The following GRIA4 variants were observed in gnomAD, a reference collection of about 807,000 sequenced individuals.
GRIA4 encodes glutamate ionotropic receptor AMPA type subunit 4.
A neutral mutation model predicts 104.0 loss-of-function variants in GRIA4; 34 were observed. The observed-to-expected ratio is 0.33, with a 90% CI of 0.25 to 0.44. The LOEUF is 0.44. GRIA4 is among the 20% of genes least tolerant of loss of function. The pLI, the probability that GRIA4 is intolerant of heterozygous loss-of-function variation, is 1.00. For synonymous variants in GRIA4, 386 were observed against 381.9 expected (o/e 1.01, Z -0.13); for missense variants, 750 against 1,096.5 (o/e 0.68, Z 4.46).
chr11:105,611,609 A>C (rs763258540), intron 2 of GRIA4, among the ~76,000 whole-genome samples: 1 of 152,100 alleles, frequency 6.6e-6, no homozygotes, highest in Non-Finnish European at 1.5e-5. Context: ...CTTTCCTGGA[A>C]GCTTCTCCCC....
chr11:105,873,716 T>C (rs1214630690), intron 5 of GRIA4, among the ~76,000 whole-genome samples: 1 of 152,226 alleles, frequency 6.6e-6, no homozygotes, highest in Admixed American at 6.5e-5. Context: ...CAAAAATGTC[T>C]TCTTTTGAGA....
At chr11:105,751,144 C>T (rs752585651) in intron 3 of GRIA4, among the ~76,000 whole-genome samples, 2 of 152,148 alleles carry the variant, frequency 1.3e-5, no homozygotes, top group Admixed American at 6.6e-5. Flanking sequence ...TTGAATTCTA[C>T]AGCTCTTCAA....
chr11:105,923,387 A>G (rs964110914), intron 11 of GRIA4, among the ~76,000 whole-genome samples: 1 of 152,116 alleles, frequency 6.6e-6, no homozygotes, highest in Non-Finnish European at 1.5e-5. Context: ...CCAGGCTCAA[A>G]TCCCAGAGCT....
chr11:105,745,506 C>T (rs565423951), intron 3 of GRIA4, among the ~76,000 whole-genome samples: 10 of 152,150 alleles, frequency 6.6e-5, no homozygotes, highest in Non-Finnish European at 1.3e-4. Context: ...ACCATATCTA[C>T]ACCGACTAAT....
chr11:105,666,973 T>G (rs1216931528), intron 3 of GRIA4, among the ~76,000 whole-genome samples: 3 of 152,002 alleles, frequency 2.0e-5, no homozygotes, highest in Non-Finnish European at 4.4e-5. Context: ...AGTATCTTCA[T>G]TTGTTCTTGT....
chr11:105,637,381 T>G (rs1440338342), intron 3 of GRIA4, among the ~76,000 whole-genome samples: 1 of 152,212 alleles, frequency 6.6e-6, no homozygotes, highest in Non-Finnish European at 1.5e-5. Flanking sequence ...ATTGAATTTC[T>G]CTGAGGAATA....
intron 3 of GRIA4, among the ~76,000 whole-genome samples, chr11:105,739,177 G>C (rs1014673161): frequency 6.6e-6 from 1 of 152,108 alleles, no homozygotes; most frequent in Non-Finnish European, 1.5e-5. Flanking sequence ...GCTGAGTATT[G>C]CAAATAGCCT....
chr11:105,693,692 A>G (rs1242654237), intron 3 of GRIA4, among the ~76,000 whole-genome samples: 2 of 152,172 alleles, frequency 1.3e-5, no homozygotes, highest in African/African-American at 4.8e-5. Flanking sequence ...CTTCCTAAAT[A>G]TGGATAATAG....
intron 3 of GRIA4, among the ~76,000 whole-genome samples, chr11:105,617,108 A>AAT (rs35445943): frequency 0.11 from 16,348 of 148,764 alleles, 1,250 homozygotes; most frequent in African/African-American, 0.21. Flanking sequence ...GGCATTGGGA[A>AAT]ATATATATAT....
In GRIA4 at chr11:105,921,156, T is replaced by C. The variant is rs544952345; in HGVS notation, c.1476+2238T>C. Among the ~76,000 whole-genome samples the C allele has an allele frequency of 5.9e-4, 90 of 152,198 alleles. 1 individual carries two copies. Among genetic ancestry groups the C allele is most frequent in the Non-Finnish European group, 7.6e-4 (52 of 68,032 alleles). On this transcript the variant is annotated intron_variant, in intron 11 of 16. Transcript: ENST00000282499. ...TTGTCTGTGAGGCATTTACATGTTA[T>C]CCAACACACCATGTGTGAGACCCAG... is the stretch of plus-strand genomic sequence containing the variant.
At chr11:105,904,050 G>T in intron 8 of GRIA4, 69 bp downstream of exon 8, 1 of 1,080,418 alleles carries the variant, frequency 9.3e-7, no homozygotes, top group South Asian at 1.5e-5. Flanking sequence ...TCAAAAAACA[G>T]ACTAATTTAT....
At chr11:105,853,803 T>A (rs1159161107) in intron 4 of GRIA4, among the ~76,000 whole-genome samples, 5 of 152,172 alleles carry the variant, frequency 3.3e-5, no homozygotes, top group African/African-American at 9.7e-5. Flanking sequence ...GGAGTTGGTC[T>A]AAGTGACAGG....
rs368650729 is a variant in GRIA4, at chr11:105,668,219, T to C, written c.247+55785T>C. Among the ~76,000 whole-genome samples, 938 of 102,844 alleles carry C rather than the reference T, an allele frequency of 9.1e-3. 3 individuals carry two copies. The highest frequency in any genetic ancestry group is 0.038 in the East Asian group (122 of 3,236). 67.5% of individuals were successfully genotyped at this position (102,844 alleles called of 152,430 possible). ...ATATACACACACACACACACACACA[T>C]ATAATATATATATATATATATATAT... On this transcript the variant is annotated intron_variant, in intron 3 of 16. Transcript: ENST00000282499.
intron 3 of GRIA4, among the ~76,000 whole-genome samples, chr11:105,656,601 A>G (rs776793112): frequency 1.3e-5 from 2 of 152,048 alleles, no homozygotes; most frequent in Admixed American, 6.6e-5. Flanking sequence ...ACAGAATGGG[A>G]AAAAAAATTT....
At chr11:105,669,369 G>A (rs1299471718) in intron 3 of GRIA4, among the ~76,000 whole-genome samples, 1 of 147,934 alleles carries the variant, frequency 6.8e-6, no homozygotes, top group East Asian at 2.0e-4. Context: ...TACACACAAT[G>A]TTATATTCAT....
chr11:105,791,233 C>A (rs1591263292), intron 4 of GRIA4, among the ~76,000 whole-genome samples: 1 of 152,110 alleles, frequency 6.6e-6, no homozygotes, highest in Non-Finnish European at 1.5e-5. Flanking sequence ...TAGAGTGCTG[C>A]TTTAAAATCA....
chr11:105,775,144 C>T (rs1941393852), intron 4 of GRIA4, among the ~76,000 whole-genome samples: 1 of 152,050 alleles, frequency 6.6e-6, no homozygotes, highest in South Asian at 2.1e-4. Context: ...CAAATCTCTC[C>T]CAGCTCCATC....
At chr11:105,905,158 A>G in intron 8 of GRIA4, 39 bp from the exon 9 acceptor site, 1 of 1,073,126 alleles carries the variant, frequency 9.3e-7, no homozygotes, top group Non-Finnish European at 1.5e-6. Context: ...CTATAAGTGA[A>G]ATTGCAAGTG....
At chr11:105,758,660 T>C (rs1164690759) in intron 4 of GRIA4, among the ~76,000 whole-genome samples, 1 of 152,152 alleles carries the variant, frequency 6.6e-6, no homozygotes, top group Non-Finnish European at 1.5e-5. Context: ...TAATGTACAA[T>C]TAAGGTTGAA....
Sources: gnomAD v4.1 joint callset for allele counts (sites outside exome capture counted in the v4.1 genomes callset) on GRCh38, gnomAD v4.1.1 for gene constraint, MANE v1.5 for transcripts, NCBI Gene and HGNC (gene_info 2026-07-23, HGNC 2026-07-21) for gene names.